The following LUZP2 variants were observed in gnomAD, a reference collection of about 807,000 sequenced individuals.
LUZP2 encodes leucine zipper protein 2.
A neutral mutation model predicts 51.6 loss-of-function variants in LUZP2; 52 were observed. The observed-to-expected ratio is 1.01, with a 90% CI of 0.81 to 1.27. The LOEUF (loss-of-function observed/expected upper bound fraction) is 1.27, where lower values mean the gene tolerates loss of function less well. Ranked by LOEUF, LUZP2 falls within the 50% of genes most tolerant of loss-of-function variation. The probability of loss-of-function intolerance (pLI) is 0.00; values close to 1 mark genes in which losing one functional copy is unlikely to be tolerated. For missense variants in LUZP2, 436 were observed against 395.4 expected (o/e 1.10, Z -0.87); for synonymous variants, 154 against 137.3 (o/e 1.12, Z -0.85).
chr11:24,963,738 C>T (rs1019908008), intron 7 of LUZP2, among the ~76,000 whole-genome samples: 4 of 152,120 alleles, frequency 2.6e-5, no homozygotes, highest in Non-Finnish European at 4.4e-5. Flanking sequence ...AATGCCTCAC[C>T]CTGCTTCGGC....
intron 2 of LUZP2, among the ~76,000 whole-genome samples, chr11:24,730,402 G>T (rs1031066755): frequency 2.5e-5 from 2 of 81,040 alleles, no homozygotes; most frequent in Admixed American, 2.8e-4. Flanking sequence ...AGATGGAAAC[G>T]AGAGCAAAAA....
chr11:24,756,744 T>A (rs930287107), intron 4 of LUZP2, among the ~76,000 whole-genome samples: 1 of 152,180 alleles, frequency 6.6e-6, no homozygotes, highest in Non-Finnish European at 1.5e-5. Context: ...AGACACCAGC[T>A]GAGTCTCCTC....
intron 7 of LUZP2, among the ~76,000 whole-genome samples, chr11:24,945,081 A>C (rs1854862503): frequency 6.6e-6 from 1 of 152,166 alleles, no homozygotes; most frequent in Admixed American, 6.5e-5. Context: ...TTTCATCATT[A>C]CTTGCCAGAT....
chr11:24,934,262 C>T (rs2133838968), intron 7 of LUZP2, among the ~76,000 whole-genome samples: 1 of 152,282 alleles, frequency 6.6e-6, no homozygotes, highest in African/African-American at 2.4e-5. Flanking sequence ...TTAGCTTGGG[C>T]TCGGAGGCCT....
At chr11:24,568,388 T>C (rs1852318165) in intron 1 of LUZP2, among the ~76,000 whole-genome samples, 1 of 150,084 alleles carries the variant, frequency 6.7e-6, no homozygotes, top group Non-Finnish European at 1.5e-5. Flanking sequence ...TAGATTATTA[T>C]ATTAACATGA....
intron 1 of LUZP2, among the ~76,000 whole-genome samples, chr11:24,689,275 A>T (rs763614512): frequency 2.6e-5 from 4 of 152,140 alleles, no homozygotes; most frequent in Non-Finnish European, 5.9e-5. Flanking sequence ...CCACATGTGC[A>T]GTGGCCTCCA....
intron 1 of LUZP2, among the ~76,000 whole-genome samples, chr11:24,726,148 A>G (rs1486331634): frequency 1.3e-5 from 2 of 152,232 alleles, no homozygotes; most frequent in South Asian, 2.1e-4. Context: ...TAGGCAAAAC[A>G]TATAAACAGA....
At chr11:24,549,019 G>T (rs184695657) in intron 1 of LUZP2, among the ~76,000 whole-genome samples, 1 of 151,756 alleles carries the variant, frequency 6.6e-6, no homozygotes, top group Non-Finnish European at 1.5e-5. Flanking sequence ...TACAAAATTT[G>T]TTCTTCAATA....
chr11:24,778,259 T>TA (rs1445204398), intron 5 of LUZP2, among the ~76,000 whole-genome samples: 3 of 151,756 alleles, frequency 2.0e-5, no homozygotes, highest in Admixed American at 1.3e-4. Flanking sequence ...AAATAAAAAA[T>TA]AAAAAAATCA....
chr11:24,600,174 A>AACACACACAC (rs61439379), intron 1 of LUZP2, among the ~76,000 whole-genome samples: 1 of 144,162 alleles, frequency 6.9e-6, no homozygotes, highest in Non-Finnish European at 1.5e-5. Flanking sequence ...TGTAGATTAC[A>AACACACACAC]ACACACACAC....
intron 1 of LUZP2, among the ~76,000 whole-genome samples, chr11:24,601,770 G>A (rs1053048042): frequency 1.3e-5 from 2 of 150,312 alleles, no homozygotes; most frequent in African/African-American, 4.9e-5. Flanking sequence ...TAGAATTTCT[G>A]ACTTAACCAA....
At chr11:24,792,791 A>T (rs1321530833) in intron 5 of LUZP2, among the ~76,000 whole-genome samples, 1 of 152,084 alleles carries the variant, frequency 6.6e-6, no homozygotes, top group Non-Finnish European at 1.5e-5. Context: ...GTTCCTACTC[A>T]ATCCACACCC....
intron 1 of LUZP2, among the ~76,000 whole-genome samples, chr11:24,556,911 C>T (rs750896104): frequency 2.3e-4 from 35 of 152,146 alleles, no homozygotes; most frequent in Non-Finnish European, 4.4e-4. Context: ...AAATCTTCCA[C>T]GATCATTTTG....
rs538298832 is a variant in LUZP2 at position 24,729,527 on chromosome 11, G to A, written c.180+241G>A. On this transcript the variant is annotated intron_variant, in intron 2 of 11. Coordinates refer to ENST00000336930, the MANE Select transcript of LUZP2 (RefSeq NM_001009909.4). ...CTTGGCAGAGCCATCAATTCCTCAA[G>A]CTTCTAAGATCAGTTTGACCCCTGT... is the stretch of plus-strand genomic sequence containing the variant. Among the ~76,000 whole-genome samples, 6 of 152,018 alleles carry A rather than the reference G, an allele frequency of 3.9e-5. 1 individual carries two copies. In the South Asian group the frequency reaches 1.2e-3, roughly 31 times the overall value.
intron 1 of LUZP2, among the ~76,000 whole-genome samples, chr11:24,713,144 G>A (rs148545011): frequency 6.6e-6 from 1 of 152,142 alleles, no homozygotes; most frequent in East Asian, 1.9e-4. Context: ...CACATTGAGT[G>A]TTGGCTCTGA....
intron 9 of LUZP2, among the ~76,000 whole-genome samples, chr11:25,009,246 C>A (rs1043979018): frequency 3.3e-5 from 5 of 152,024 alleles, no homozygotes; most frequent in Middle Eastern, 3.5e-3. Context: ...ACATATAAAC[C>A]AGAAAGAAAG....
chr11:24,934,981 A>G (rs1854549125), intron 7 of LUZP2, among the ~76,000 whole-genome samples: 2 of 152,178 alleles, frequency 1.3e-5, no homozygotes, highest in South Asian at 4.1e-4. Flanking sequence ...ACTATTTGTT[A>G]TTTTTGAAAA....
chr11:24,690,812 T>C (rs1439655735), intron 1 of LUZP2, among the ~76,000 whole-genome samples: 9 of 152,060 alleles, frequency 5.9e-5, no homozygotes. Flanking sequence ...GAACTGAACA[T>C]GTTCTAGATG....
At chr11:24,858,936 T>G (rs1176395884) in intron 5 of LUZP2, among the ~76,000 whole-genome samples, 1 of 152,170 alleles carries the variant, frequency 6.6e-6, no homozygotes, top group Non-Finnish European at 1.5e-5. Flanking sequence ...ATTTAATCAA[T>G]CATAACAGCT....
Sources: gnomAD v4.1 joint callset for allele counts (sites outside exome capture counted in the v4.1 genomes callset) on GRCh38, gnomAD v4.1.1 for gene constraint, MANE v1.5 for transcripts, NCBI Gene and HGNC (gene_info 2026-07-23, HGNC 2026-07-21) for gene names.